FAM53A: variants seen among roughly 807,000 people sequenced by gnomAD.
FAM53A encodes the protein protein FAM53A.
In FAM53A, 28 loss-of-function variants were observed where a neutral mutation model predicts 26.6. The observed-to-expected ratio is 1.05, with a 90% confidence interval of 0.78 to 1.45. The LOEUF is 1.45. Among genes scored for constraint, FAM53A ranks in the 40% most tolerant of loss-of-function variants. The probability of loss-of-function intolerance (pLI) is 0.00; values close to 1 mark genes in which losing one functional copy is unlikely to be tolerated. For missense variants in FAM53A, 650 were observed against 575.8 expected (o/e 1.13, Z -1.32); for synonymous variants, 290 against 253.1 (o/e 1.15, Z -1.38).
the FAM53A span, among the ~76,000 whole-genome samples, chr4:1,610,671 G>A: frequency 6.6e-6 from 1 of 152,016 alleles, no homozygotes; most frequent in Non-Finnish European, 1.5e-5. Flanking sequence ...CTGGGGTGGG[G>A]GACAGAGGCC....
the FAM53A span, among the ~76,000 whole-genome samples, chr4:1,603,850 G>A: frequency 6.6e-6 from 1 of 152,196 alleles, no homozygotes; most frequent in African/African-American, 2.4e-5. Context: ...CAGGCGTCCT[G>A]GGCAGTGCCC....
chr4:1,597,862 G>A, the FAM53A span, among the ~76,000 whole-genome samples: 1 of 152,294 alleles, frequency 6.6e-6, no homozygotes, highest in East Asian at 1.9e-4. Context: ...CGGATGTGGT[G>A]GCGGGCGCCT....
At chr4:1,617,277 T>C (rs989712322), downstream of FAM53A, among the ~76,000 whole-genome samples, 1 of 152,200 alleles carries the variant, frequency 6.6e-6, no homozygotes, top group Non-Finnish European at 1.5e-5. Context: ...TGGGATCATG[T>C]GTTGAGTTAT....
the FAM53A span, among the ~76,000 whole-genome samples, chr4:1,593,339 C>T: frequency 6.6e-6 from 1 of 152,074 alleles, no homozygotes; most frequent in African/African-American, 2.4e-5. Context: ...GAGGCTGGAC[C>T]GCGGCCCGGA....
At chr4:1,576,530 G>C in the FAM53A span, among the ~76,000 whole-genome samples, 5 of 152,358 alleles carry the variant, frequency 3.3e-5, no homozygotes, top group East Asian at 9.6e-4. Flanking sequence ...TCAGCACCGC[G>C]AGAAGGGGCT....
In FAM53A at chr4:1,622,992, G is replaced by A. The variant is rs544749019; in HGVS notation, c.432-4881C>T. Among the ~76,000 whole-genome samples the A allele has an allele frequency of 7.9e-5, 12 of 152,342 alleles. No individual in the cohort carries two copies. The East Asian group carries it at 1.7e-3, about 22-fold the overall frequency. On this transcript the variant is annotated intron_variant, in intron 1 of 1. Coordinates refer to the FAM53A transcript ENST00000489029. ...CCACAGATGGAGGCAACCTACGATC[G>A]CTCTTGTGCCCATGGGGAAACGAAG...
the FAM53A span, among the ~76,000 whole-genome samples, chr4:1,598,178 C>A: frequency 6.6e-6 from 1 of 152,264 alleles, no homozygotes; most frequent in Non-Finnish European, 1.5e-5. Context: ...CCTTCTCCGG[C>A]TGTGGGGAGG....
rs377298685 is a variant in FAM53A, at chr4:1,640,590, C to T, written c.*703G>A. 64 of 355,014 alleles carry T rather than the reference C, an allele frequency of 1.8e-4. No individual in the cohort carries two copies. The highest frequency in any genetic ancestry group is 1.3e-3 in the African/African-American group (55 of 43,938). 22.0% of individuals were successfully genotyped at this position (355,014 alleles called of 1,614,324 possible). A position where few individuals can be genotyped will look rare whatever the true frequency, so the allele number is the denominator to read the frequency against. ...TTTAGGAAAAACTGAATCAAAATTA[C>T]GCCTTAATGTTCCAAGCAACACGAA... On this transcript the variant is annotated 3_prime_UTR_variant, in exon 5 of 5. Coordinates refer to ENST00000308132, the MANE Select transcript of FAM53A (RefSeq NM_001174070.3).
At chr4:1,618,008 A>G in exon 2 of FAM53A, 1 of 456,288 alleles carries the variant, frequency 2.2e-6, no homozygotes, top group Non-Finnish European at 4.4e-6. Flanking sequence ...CTTGGCATAG[A>G]GCCGACCAGT....
chr4:1,668,624 C>G (rs1332001684), intron 2 of FAM53A, 43 bp downstream of exon 2: 5 of 1,610,094 alleles, frequency 3.1e-6, no homozygotes, highest in Non-Finnish European at 4.2e-6. Context: ...TGTGACAGCA[C>G]GGGGGAGGGG....
chr4:1,642,001 GGTGCCTT>G (rs1711761884), intron 4 of FAM53A, among the ~76,000 whole-genome samples: 1 of 152,124 alleles, frequency 6.6e-6, no homozygotes, highest in Non-Finnish European at 1.5e-5. Flanking sequence ...GTCCAGAGAG[GGTGCCTT>G]GTGCCTCCAC....
chr4:1,574,385 GTGCCCTCC>G, the FAM53A span: 1 of 152,498 alleles, frequency 6.6e-6, no homozygotes, highest in Non-Finnish European at 1.5e-5. Context: ...GGCCGGACTG[GTGCCCTCC>G]TCATCCCCTC....
intron 4 of FAM53A, among the ~76,000 whole-genome samples, chr4:1,654,051 C>A (rs1713105558): frequency 6.6e-6 from 1 of 152,182 alleles, no homozygotes; most frequent in Non-Finnish European, 1.5e-5. Context: ...GATGAGAGTT[C>A]AGGGGGCTGC....
rs113359763 is a variant in FAM53A at position 1,630,454 on chromosome 4, G to A, written c.432-12343C>T. Among the ~76,000 whole-genome samples, 8 of 152,356 alleles carry A rather than the reference G, an allele frequency of 5.3e-5. No homozygotes were observed. Among genetic ancestry groups the A allele is most frequent in the African/African-American group, 1.4e-4 (6 of 41,578 alleles). ...CGCGTCTGTATGTGGCCAGTGGGCCGCGGTTTGCCGACCCCCAACTCATGG... is the reference window on the plus strand; with the variant it reads ...CGCGTCTGTATGTGGCCAGTGGGCCACGGTTTGCCGACCCCCAACTCATGG... On this transcript the variant is annotated intron_variant, in intron 1 of 1. Coordinates refer to the FAM53A transcript ENST00000489029. The surrounding 1 kb of genome is among the most constrained non-coding windows in gnomAD (Gnocchi z 4.3).
At chr4:1,644,080 G>A (rs374124037) in intron 4 of FAM53A, 28 of 1,417,812 alleles carry the variant, frequency 2.0e-5, no homozygotes, top group Admixed American at 1.1e-4. Context: ...GGTGTCACCC[G>A]TGACCTTGCA....
chr4:1,605,851 C>T, the FAM53A span, among the ~76,000 whole-genome samples: 17 of 152,286 alleles, frequency 1.1e-4, 1 homozygote, highest in African/African-American at 4.1e-4. This position sits in a 1 kb window ranked among gnomAD's most constrained non-coding sequence, Gnocchi z 5.7. Context: ...CCGGCCCAGG[C>T]TTCAGAGTCT....
the FAM53A span, among the ~76,000 whole-genome samples, chr4:1,587,084 T>A: frequency 6.6e-6 from 1 of 152,158 alleles, no homozygotes; most frequent in Admixed American, 6.5e-5. Flanking sequence ...TTCAATCAGG[T>A]TATTTGTTTT....
At chr4:1,594,016 G>A in the FAM53A span, among the ~76,000 whole-genome samples, 2 of 152,188 alleles carry the variant, frequency 1.3e-5, no homozygotes, top group African/African-American at 4.8e-5. Context: ...AGGGAGAGCA[G>A]GGGCCGCTGG....
chr4:1,667,027 C>T (rs1714284245), intron 2 of FAM53A, among the ~76,000 whole-genome samples: 1 of 152,016 alleles, frequency 6.6e-6, no homozygotes, highest in Admixed American at 6.6e-5. Context: ...ACTCAGGAGG[C>T]TGAGGCGGGA....
Sources: allele counts gnomAD v4.1 joint callset (sites outside exome capture counted in the v4.1 genomes callset), GRCh38; gene constraint gnomAD v4.1.1; non-coding constraint Gnocchi (gnomAD v3.1); transcripts MANE v1.5; gene names NCBI Gene and HGNC (gene_info 2026-07-23, HGNC 2026-07-21).